The following TMEM131 variants were observed in gnomAD, a reference collection of about 807,000 sequenced individuals.
The protein encoded by TMEM131 is transmembrane protein 131.
Under a neutral mutation model 211.6 loss-of-function variants are expected in TMEM131, and 66 were observed. That is an observed-to-expected ratio of 0.31 (90% confidence interval 0.26 to 0.38). TMEM131 has a LOEUF of 0.38. Ranked by LOEUF, TMEM131 falls within the 10% of genes least tolerant of loss-of-function variation. TMEM131 has a pLI of 1.00. For missense variants in TMEM131, 2,036 were observed against 2,299.3 expected (o/e 0.89, Z 2.34); for synonymous variants, 844 against 841.3 (o/e 1.00, Z -0.06).
intron 12 of TMEM131, 45 bp downstream of exon 12, chr2:97,818,568 T>A: frequency 7.7e-7 from 1 of 1,297,524 alleles, no homozygotes; most frequent in South Asian, 1.3e-5. Flanking sequence ...TTCTAGTTTA[T>A]CAAAATAACA....
At chr2:97,884,781 T>C (rs995951353) in intron 4 of TMEM131, among the ~76,000 whole-genome samples, 10 of 152,230 alleles carry the variant, frequency 6.6e-5, no homozygotes, top group African/African-American at 2.4e-4. Context: ...ATCTTTTTCT[T>C]TCCCTTCACT....
At chr2:97,943,091 A>G (rs569812844) in intron 1 of TMEM131, among the ~76,000 whole-genome samples, 1 of 145,928 alleles carries the variant, frequency 6.9e-6, no homozygotes, top group African/African-American at 2.5e-5. Context: ...GAAAGAAAGA[A>G]AGAAAGAAAG....
intron 1 of TMEM131, among the ~76,000 whole-genome samples, chr2:97,940,724 G>T (rs1218017534): frequency 6.6e-6 from 1 of 151,668 alleles, no homozygotes; most frequent in Non-Finnish European, 1.5e-5. Flanking sequence ...CAGGAGAATT[G>T]CGTGAACCTA....
intron 1 of TMEM131, among the ~76,000 whole-genome samples, chr2:97,984,497 A>C (rs1679937712): frequency 1.3e-5 from 2 of 152,192 alleles, no homozygotes; most frequent in African/African-American, 4.8e-5. Context: ...GTGTGGTACC[A>C]ACATCTGCTT....
rs373324249 is a variant in TMEM131, at chr2:97,805,612, C to T, written c.2147G>A (p.Arg716Gln). The change falls in exon 20 of 41, where the codon CGA becomes CAA. Residue 716 changes from arginine to glutamine, a missense_variant. Physicochemically the swap from Arg to Gln is conservative, Grantham distance 43 (BLOSUM62 1). Transcript: ENST00000186436. ...GCCCCGTAATCGTTTATAGTAAAAT[C>T]GCACATCTTCTGACAAAGATCGTAT... Reference protein sequence around the residue: ...QQIRSLSEDVRFYYKRLRGNK... With the variant: ...QQIRSLSEDVQFYYKRLRGNK... 71 of 1,611,366 alleles carry T rather than the reference C, an allele frequency of 4.4e-5. No individual in the cohort carries two copies. Among genetic ancestry groups the T allele is most frequent in the Non-Finnish European group, 5.7e-5 (67 of 1,178,042 alleles).
rs930287696 is a variant in TMEM131 at position 97,809,627 on chromosome 2, C to G, written c.2055+61G>C. On this transcript the variant is annotated intron_variant, in intron 19 of 40. Transcript: ENST00000186436. The stretch of plus-strand genomic sequence containing the variant: ...ACTTTACTCTAAGATTCTAGGAACA[C>G]AGAGCTAAAGGCAAAGGCAAAAAAC... 6.1e-6 allele frequency: 7 copies of G among 1,156,046 alleles called. No homozygotes were observed. The East Asian group carries it at 7.4e-5, about 12-fold the overall frequency. 71.6% of individuals were successfully genotyped at this position (1,156,046 alleles called of 1,614,324 possible).
chr2:97,915,627 T>C (rs981867062), intron 2 of TMEM131, among the ~76,000 whole-genome samples: 2 of 152,226 alleles, frequency 1.3e-5, no homozygotes, highest in African/African-American at 4.8e-5. Flanking sequence ...ATTACAGGCA[T>C]GAGGTACTGC....
At chr2:97,947,384 ATAGGAAAGTAGTAAGAT>A (rs1220389511) in intron 1 of TMEM131, among the ~76,000 whole-genome samples, 2 of 152,110 alleles carry the variant, frequency 1.3e-5, no homozygotes, top group African/African-American at 2.4e-5. Flanking sequence ...GATACAGGAT[ATAGGAAAGTAGTAAGAT>A]TAGGAAAGTA....
chr2:97,926,995 A>G (rs1677018063), intron 2 of TMEM131, among the ~76,000 whole-genome samples: 2 of 152,234 alleles, frequency 1.3e-5, no homozygotes, highest in Admixed American at 1.3e-4. Flanking sequence ...TCTCACCTTG[A>G]AACAGATTAA....
intron 1 of TMEM131, among the ~76,000 whole-genome samples, chr2:97,966,059 T>C (rs182066454): frequency 3.0e-4 from 46 of 151,960 alleles, no homozygotes; most frequent in Admixed American, 3.0e-3. Flanking sequence ...ATTGCAAAAT[T>C]ATCAAATTTA....
chr2:97,895,437 G>A (rs1675569301), intron 3 of TMEM131, among the ~76,000 whole-genome samples: 2 of 152,172 alleles, frequency 1.3e-5, no homozygotes, highest in Non-Finnish European at 2.9e-5. Flanking sequence ...AGTTTCAGAA[G>A]GAATGGTACC....
At chr2:97,870,915 A>G (rs544714570) in intron 4 of TMEM131, among the ~76,000 whole-genome samples, 71 of 152,350 alleles carry the variant, frequency 4.7e-4, no homozygotes, top group Non-Finnish European at 8.4e-4. Context: ...GTAGGTAGGA[A>G]TTGAAAAGCT....
chr2:97,849,432 A>C (rs1683592412), intron 5 of TMEM131, among the ~76,000 whole-genome samples: 1 of 152,174 alleles, frequency 6.6e-6, no homozygotes, highest in Non-Finnish European at 1.5e-5. Context: ...CCAATATGAA[A>C]TGCATTATGC....
intron 1 of TMEM131, among the ~76,000 whole-genome samples, chr2:97,954,924 A>G (rs532589573): frequency 6.6e-6 from 1 of 152,202 alleles, no homozygotes; most frequent in East Asian, 1.9e-4. Context: ...ATTAGGGCCA[A>G]TTTTACATAA....
At chr2:97,797,163 C>G (rs976342752) in intron 26 of TMEM131, among the ~76,000 whole-genome samples, 177 bp from the exon 27 acceptor site, 1 of 152,196 alleles carries the variant, frequency 6.6e-6, no homozygotes, top group Non-Finnish European at 1.5e-5. Context: ...TTTTAAGAGA[C>G]ACACATTAAG....
intron 19 of TMEM131, among the ~76,000 whole-genome samples, chr2:97,808,074 A>T (rs1437172090): frequency 6.6e-6 from 1 of 152,192 alleles, no homozygotes; most frequent in African/African-American, 2.4e-5. Flanking sequence ...TTGGGGACAG[A>T]ACCCAAGTCT....
chr2:97,990,814 A>G (rs1396820687), intron 1 of TMEM131, among the ~76,000 whole-genome samples: 1 of 152,204 alleles, frequency 6.6e-6, no homozygotes, highest in Non-Finnish European at 1.5e-5. Context: ...TATGCTTTGT[A>G]AATAGTTTTG....
intron 2 of TMEM131, among the ~76,000 whole-genome samples, chr2:97,915,604 C>T (rs547567937): frequency 1.3e-5 from 2 of 152,286 alleles, no homozygotes; most frequent in Non-Finnish European, 2.9e-5. Flanking sequence ...CCTTGGCCTC[C>T]CAAAGTGCTA....
intron 6 of TMEM131, among the ~76,000 whole-genome samples, 199 bp from the exon 7 acceptor site, chr2:97,842,136 T>C (rs1683228245): frequency 6.6e-6 from 1 of 152,210 alleles, no homozygotes; most frequent in Non-Finnish European, 1.5e-5. Context: ...TGTATGTGAA[T>C]TTAGAATGAT....
Sources: allele counts gnomAD v4.1 joint callset (sites outside exome capture counted in the v4.1 genomes callset), GRCh38; gene constraint gnomAD v4.1.1; transcripts MANE v1.5; gene names NCBI Gene and HGNC (gene_info 2026-07-23, HGNC 2026-07-21).